The following TENM3 variants were observed in gnomAD, a reference collection of about 807,000 sequenced individuals.
TENM3 encodes the protein teneurin-3.
TENM3 carries 63 observed loss-of-function variants against 255.1 expected under a neutral mutation model. That is an observed-to-expected ratio of 0.25 (90% CI 0.20 to 0.30). The LOEUF is 0.30. Ranked by LOEUF, TENM3 falls within the 10% of genes least tolerant of loss-of-function variation. TENM3 has a pLI of 1.00. For missense variants in TENM3, 2,929 were observed against 3,461.1 expected (o/e 0.85, Z 3.86); for synonymous variants, 1,306 against 1,322.3 (o/e 0.99, Z 0.27).
the TENM3 span, among the ~76,000 whole-genome samples, chr4:181,888,246 G>T: frequency 3.3e-5 from 5 of 151,486 alleles, no homozygotes; most frequent in East Asian, 9.8e-4. Context: ...GGCCAGGCTG[G>T]TCTTGAACTC....
chr4:181,514,490 C>A, the TENM3 span, among the ~76,000 whole-genome samples: 1 of 152,124 alleles, frequency 6.6e-6, no homozygotes, highest in African/African-American at 2.4e-5. Context: ...TACATTTTTC[C>A]CTTGAATTTT....
chr4:182,180,424 T>C (rs1429279745), intron 1 of TENM3, among the ~76,000 whole-genome samples: 1 of 152,170 alleles, frequency 6.6e-6, no homozygotes, highest in Admixed American at 6.5e-5. Flanking sequence ...CATCTTTCTT[T>C]AGCATAAATT....
the TENM3 span, among the ~76,000 whole-genome samples, chr4:181,925,174 C>A: frequency 6.6e-6 from 1 of 152,108 alleles, no homozygotes; most frequent in African/African-American, 2.4e-5. Flanking sequence ...AGCACACTTA[C>A]ATTTAACAGT....
rs1282463387 is a variant in TENM3, at chr4:182,800,225, G to T, written c.7974G>T (p.Leu2658=). 1.3e-6 allele frequency: 2 copies of T among 1,592,480 alleles called. No homozygotes were observed. Among genetic ancestry groups the T allele is most frequent in the Admixed American group, 3.4e-5 (2 of 59,488 alleles). Residue 2658 remains leucine, a synonymous_variant, in exon 28 of 28, where the codon CTG becomes CTT. Coordinates refer to ENST00000511685, the MANE Select transcript of TENM3 (RefSeq NM_001080477.4). ...RLWTEGEKRQ[L]LSAGKVQGYD... Reference sequence around the variant, plus strand: ...GGACGGAGGGCGAGAAGCGGCAGCTGCTGAGCGCCGGCAAGGTGCAGGGCT... The same window carrying T: ...GGACGGAGGGCGAGAAGCGGCAGCTTCTGAGCGCCGGCAAGGTGCAGGGCT...
chr4:181,462,595 G>A, the TENM3 span, among the ~76,000 whole-genome samples: 2 of 152,166 alleles, frequency 1.3e-5, no homozygotes, highest in East Asian at 1.9e-4. Flanking sequence ...TTTAAAGGCA[G>A]CATGATATAT....
the TENM3 span, among the ~76,000 whole-genome samples, chr4:181,560,325 C>A: frequency 6.6e-6 from 1 of 152,216 alleles, no homozygotes; most frequent in African/African-American, 2.4e-5. Context: ...TTTCTAACAC[C>A]ATCACGTTGT....
intron 11 of TENM3, 28 bp from the exon 12 acceptor site, chr4:182,688,138 T>C: frequency 6.4e-7 from 1 of 1,557,132 alleles, no homozygotes; most frequent in Non-Finnish European, 8.7e-7. Context: ...TCTTCTCTCC[T>C]GTTTTGTGTC....
chr4:182,523,167 G>T (rs1175090679), intron 3 of TENM3, among the ~76,000 whole-genome samples: 5 of 150,918 alleles, frequency 3.3e-5, no homozygotes, highest in South Asian at 2.1e-4. Context: ...TTTTGTTTTT[G>T]TGTGTGTGTG....
the TENM3 span, among the ~76,000 whole-genome samples, chr4:181,875,715 G>A: frequency 0.16 from 24,576 of 152,078 alleles, 2,550 homozygotes; most frequent in East Asian, 0.55. Context: ...TAAGTGTGCC[G>A]ATGGACAGAG....
chr4:182,285,670 A>G (rs781103200), intron 1 of TENM3, among the ~76,000 whole-genome samples: 15 of 152,172 alleles, frequency 9.9e-5, no homozygotes, highest in Non-Finnish European at 1.8e-4. Flanking sequence ...TTTTTGGAGC[A>G]TGGGAAGAAT....
rs946775870 is a variant in TENM3 at position 182,628,508 on chromosome 4, T to A, written c.750-143T>A. 2.5e-5 allele frequency: 15 copies of A among 610,144 alleles called. No homozygotes were observed. The Middle Eastern group carries it at 1.2e-3, about 49-fold the overall frequency. The allele number at this position is 610,144 out of a possible 1,614,324, so 37.8% of individuals were successfully genotyped here. On this transcript the variant is annotated intron_variant, in intron 4 of 27. Coordinates refer to ENST00000511685, the MANE Select transcript of TENM3 (RefSeq NM_001080477.4). ...TTGGTTAAAACATTTCCTTAATTTT[T>A]AATGTTTTAGGTTATATAGGATAAA... is the stretch of plus-strand genomic sequence containing the variant.
chr4:182,709,084 G>A (rs1418664097), intron 12 of TENM3, among the ~76,000 whole-genome samples: 3 of 152,022 alleles, frequency 2.0e-5, no homozygotes, highest in Admixed American at 6.5e-5. Flanking sequence ...ACAGGTTCAA[G>A]CAATTCTCCT....
chr4:182,075,231 C>T, the TENM3 span, among the ~76,000 whole-genome samples: 3 of 141,408 alleles, frequency 2.1e-5, no homozygotes, highest in South Asian at 6.6e-4. Flanking sequence ...TGGAGTCTCG[C>T]TCTGCCGCCC....
At chr4:182,594,683 G>GGTGTGTGTGTGTGT (rs67667219) in intron 3 of TENM3, among the ~76,000 whole-genome samples, 39 of 138,252 alleles carry the variant, frequency 2.8e-4, no homozygotes, top group Middle Eastern at 3.6e-3. Flanking sequence ...TTTTTGTTTT[G>GGTGTGTGTGTGTGT]GTGTGTGTGT....
Position 182,540,880 on chromosome 4 carries a change from T to C in TENM3, c.512-60044T>C, listed in dbSNP as rs141760171. Among the ~76,000 whole-genome samples, 1,495 of 152,286 alleles carry C rather than the reference T, an allele frequency of 9.8e-3. 19 individuals are homozygous for C. Among genetic ancestry groups the C allele is most frequent in the Middle Eastern group, 0.031 (9 of 294 alleles). ...ACCTAGTTAGGAGGATCAGGGAGGA[T>C]TTCCCTGAGGAATCAGTGTTTTGCT... On this transcript the variant is annotated intron_variant, in intron 3 of 27. Coordinates refer to ENST00000511685, the MANE Select transcript of TENM3 (RefSeq NM_001080477.4).
chr4:181,878,714 A>G, the TENM3 span, among the ~76,000 whole-genome samples: 1 of 151,796 alleles, frequency 6.6e-6, no homozygotes, highest in Non-Finnish European at 1.5e-5. Context: ...ATACCTATTC[A>G]TCTATCATAT....
the TENM3 span, among the ~76,000 whole-genome samples, chr4:181,467,148 T>TTTTTTGGG: frequency 9.2e-6 from 1 of 109,212 alleles, no homozygotes; most frequent in African/African-American, 3.8e-5. Flanking sequence ...TTTTTTTTTT[T>TTTTTTGGG]AGGCAGAGTC....
At chr4:182,492,474 T>A (rs1735393474) in intron 3 of TENM3, among the ~76,000 whole-genome samples, 1 of 152,164 alleles carries the variant, frequency 6.6e-6, no homozygotes, top group Non-Finnish European at 1.5e-5. Flanking sequence ...AGTTACTATA[T>A]CCTTTGGGAT....
At chr4:181,642,476 TA>T in the TENM3 span, among the ~76,000 whole-genome samples, 11 of 151,864 alleles carry the variant, frequency 7.2e-5, no homozygotes, top group Non-Finnish European at 1.6e-4. Flanking sequence ...TTAGTTTAGG[TA>T]GATCCCATTT....
Sources: gnomAD v4.1 joint callset for allele counts (sites outside exome capture counted in the v4.1 genomes callset) on GRCh38, gnomAD v4.1.1 for gene constraint, MANE v1.5 for transcripts, NCBI Gene and HGNC (gene_info 2026-07-23, HGNC 2026-07-21) for gene names.